Variants in NEDD9 observed in about 807,000 individuals in gnomAD.
NEDD9 encodes the protein neural precursor cell expressed, developmentally down-regulated 9.
NEDD9 carries 26 observed loss-of-function variants against 76.6 expected under a neutral mutation model. The ratio of observed to expected loss-of-function variants is 0.34; its 90% CI spans 0.25 to 0.47. The LOEUF (loss-of-function observed/expected upper bound fraction) is 0.47, where lower values mean the gene tolerates loss of function less well. NEDD9 is among the 20% of genes least tolerant of loss of function. The probability of loss-of-function intolerance (pLI) is 1.00; values close to 1 mark genes in which losing one functional copy is unlikely to be tolerated. For missense variants in NEDD9, 937 were observed against 1,058.5 expected, an observed-to-expected ratio of 0.89 and a Z score of 1.59; for synonymous variants, 392 against 414.2, an observed-to-expected ratio of 0.95 and a Z score of 0.65.
chr6:11,347,707 A>G (rs1253332878), intron 1 of NEDD9, among the ~76,000 whole-genome samples: 2 of 152,194 alleles, frequency 1.3e-5, no homozygotes, highest in African/African-American at 4.8e-5. Flanking sequence ...GATCATCTCA[A>G]TAGATGAAGA....
At chr6:11,261,791 C>T (rs917237175) in intron 3 of NEDD9, among the ~76,000 whole-genome samples, 1 of 139,952 alleles carries the variant, frequency 7.1e-6, no homozygotes, top group African/African-American at 2.9e-5. Flanking sequence ...TGTTTTTGCT[C>T]TGCTAAAATT....
chr6:11,339,631 A>C (rs180767072), intron 1 of NEDD9, among the ~76,000 whole-genome samples: 1 of 152,334 alleles, frequency 6.6e-6, no homozygotes. Context: ...TCAATTGGAC[A>C]CATGTTATGC....
chr6:11,248,617 C>A (rs1258682326), intron 3 of NEDD9, among the ~76,000 whole-genome samples: 1 of 152,168 alleles, frequency 6.6e-6, no homozygotes, highest in Non-Finnish European at 1.5e-5. Flanking sequence ...TGCTCAGGGT[C>A]CTGGCTTCTG....
At chr6:11,206,951 C>T (rs962453899) in intron 2 of NEDD9, among the ~76,000 whole-genome samples, 6 of 152,164 alleles carry the variant, frequency 3.9e-5, no homozygotes, top group African/African-American at 9.7e-5. Context: ...TGCATAGCCC[C>T]AAAACCCATG....
chr6:11,342,372 A>G (rs1163704575), intron 1 of NEDD9, among the ~76,000 whole-genome samples: 3 of 151,776 alleles, frequency 2.0e-5, no homozygotes, highest in Non-Finnish European at 4.4e-5. Flanking sequence ...AGCCCCACCT[A>G]AGTACATCAG....
chr6:11,314,223 C>T (rs566152013), intron 2 of NEDD9, among the ~76,000 whole-genome samples: 16 of 152,228 alleles, frequency 1.1e-4, no homozygotes, highest in Admixed American at 9.8e-4. Context: ...TGAGGAGATC[C>T]TTGTGGATTA....
intron 3 of NEDD9, among the ~76,000 whole-genome samples, chr6:11,285,585 AG>A (rs1454135182): frequency 6.6e-6 from 1 of 152,234 alleles, no homozygotes. Flanking sequence ...TTATAAAAGA[AG>A]AACAAACTTG....
At chr6:11,379,957 A>G (rs536050699) in intron 1 of NEDD9, among the ~76,000 whole-genome samples, 1 of 152,372 alleles carries the variant, frequency 6.6e-6, no homozygotes, top group Non-Finnish European at 1.5e-5. Flanking sequence ...AAGGTGACAG[A>G]TAAGCAGGAC....
chr6:11,241,697 A>G lies in NEDD9; in HGVS notation c.13-27970T>C, dbSNP rs1465582202. ...AATGCCCAGGGTACCTCATTTCTTC[A>G]GGGGTTGGAGATGCATTTTCTCCCC... On this transcript the variant is annotated intron_variant, in intron 3 of 3. Transcript: ENST00000397378. The surrounding 1 kb of genome is among the most constrained non-coding windows in gnomAD (Gnocchi z 4.0). Among the ~76,000 whole-genome samples the G allele has an allele frequency of 3.3e-5, 5 of 152,144 alleles. No homozygotes were observed. Among genetic ancestry groups the G allele is most frequent in the South Asian group, 2.1e-4 (1 of 4,830 alleles).
At chr6:11,192,594 G>C in intron 3 of NEDD9, 148 bp from the exon 4 acceptor site, 1 of 416,336 alleles carries the variant, frequency 2.4e-6, no homozygotes, top group Non-Finnish European at 3.9e-6. Context: ...CAGATTTATT[G>C]CCTTTTTTTT....
intron 2 of NEDD9, among the ~76,000 whole-genome samples, chr6:11,321,705 G>A (rs1761807980): frequency 6.6e-6 from 1 of 152,216 alleles, no homozygotes; most frequent in African/African-American, 2.4e-5. Context: ...ACCAGGATGT[G>A]TTGTACCTCT....
intron 1 of NEDD9, among the ~76,000 whole-genome samples, chr6:11,358,718 CT>C (rs1762626942): frequency 6.6e-6 from 1 of 152,146 alleles, no homozygotes; most frequent in African/African-American, 2.4e-5. Flanking sequence ...AGAATCAGGA[CT>C]TTTCCCCCTG....
chr6:11,267,417 C>A (rs1039687915), intron 3 of NEDD9, among the ~76,000 whole-genome samples: 1 of 150,536 alleles, frequency 6.6e-6, no homozygotes, highest in Admixed American at 6.6e-5. Context: ...TCCTTGGCTG[C>A]AGGGATGTAG....
Position 11,184,978 on chromosome 6 carries a change from A to C in NEDD9, c.*184T>G. The C allele has an allele frequency of 1.5e-6, 1 of 675,598 alleles. No individual in the cohort carries two copies. The highest frequency in any genetic ancestry group is 2.3e-6 in the Non-Finnish European group (1 of 437,684). 41.9% of individuals were successfully genotyped at this position (675,598 alleles called of 1,614,324 possible). On this transcript the variant is annotated 3_prime_UTR_variant, in exon 7 of 7. Coordinates refer to ENST00000379446, the MANE Select transcript of NEDD9 (RefSeq NM_006403.4). ...GTATACATAAGAACCACTCAGGGGG[A>C]AAAAAAAAGATTTCCCTCTCCAGCT...
At chr6:11,347,105 A>C (rs990428541) in intron 1 of NEDD9, among the ~76,000 whole-genome samples, 1 of 152,204 alleles carries the variant, frequency 6.6e-6, no homozygotes, top group Non-Finnish European at 1.5e-5. Context: ...TTTCCACCAG[A>C]AGAGCAAGCC....
chr6:11,277,138 G>A (rs1273419313), intron 3 of NEDD9, among the ~76,000 whole-genome samples: 1 of 152,186 alleles, frequency 6.6e-6, no homozygotes, highest in Non-Finnish European at 1.5e-5. Context: ...CTATCACGCT[G>A]CAAAGACATC....
At chr6:11,280,864 A>G (rs1760522344) in intron 3 of NEDD9, among the ~76,000 whole-genome samples, 1 of 152,214 alleles carries the variant, frequency 6.6e-6, no homozygotes, top group Admixed American at 6.5e-5. Flanking sequence ...AAATCCTCTG[A>G]GTTCCTGTTA....
intron 1 of NEDD9, among the ~76,000 whole-genome samples, chr6:11,360,592 T>C (rs1408271169): frequency 6.6e-6 from 1 of 151,406 alleles, no homozygotes; most frequent in Non-Finnish European, 1.5e-5. Context: ...CTCCCTGCTC[T>C]CTCTCTTCCT....
chr6:11,193,598 G>C lies in NEDD9; in HGVS notation c.554C>G (p.Thr185Ser), dbSNP rs1456135428. 6.2e-7 allele frequency: 1 copy of C among 1,611,696 alleles called. No homozygotes were observed. Among genetic ancestry groups the C allele is most frequent in the Admixed American group, 1.7e-5 (1 of 60,006 alleles). The change falls in exon 3 of 7, where the codon ACT becomes AGT. Residue 185 changes from threonine to serine, a missense_variant. Physicochemically the swap from Thr to Ser is moderately conservative, Grantham distance 58. Coordinates refer to ENST00000379446, the MANE Select transcript of NEDD9 (RefSeq NM_006403.4). Reference sequence around the variant, plus strand: ...CCATGTTCTGGTACGCACCCCTTGAGTGGTATGAGAAGGAGGGATATCATA... The same window carrying C: ...CCATGTTCTGGTACGCACCCCTTGACTGGTATGAGAAGGAGGGATATCATA... ...DVYDIPPSHT[T>S]QGVYDIPPSS...
Sources: gnomAD v4.1 joint callset for allele counts (sites outside exome capture counted in the v4.1 genomes callset) on GRCh38, gnomAD v4.1.1 for gene constraint, Gnocchi (gnomAD v3.1) non-coding constraint, MANE v1.5 for transcripts, NCBI Gene and HGNC (gene_info 2026-07-23, HGNC 2026-07-21) for gene names.